Variants in NXPH1 observed in about 807,000 individuals in gnomAD.
NXPH1 encodes the protein neurexophilin 1, also known as neurexophilin-1.
In NXPH1, 5 loss-of-function variants were observed where a neutral mutation model predicts 23.7. The observed-to-expected ratio is 0.21, with a 90% confidence interval of 0.11 to 0.44. The LOEUF is 0.44. Ranked by LOEUF, NXPH1 falls within the 20% of genes least tolerant of loss-of-function variation. The pLI, the probability that NXPH1 is intolerant of heterozygous loss-of-function variation, is 0.99. For synonymous variants in NXPH1, 144 were observed against 122.2 expected (o/e 1.18, Z -1.18); for missense variants, 324 against 321.6 (o/e 1.01, Z -0.06).
chr7:8,680,190 A>G (rs148099507), intron 2 of NXPH1, among the ~76,000 whole-genome samples: 1 of 152,380 alleles, frequency 6.6e-6, no homozygotes, highest in Non-Finnish European at 1.5e-5. Flanking sequence ...TCAAACATTT[A>G]TTGAGTACAT....
intron 2 of NXPH1, among the ~76,000 whole-genome samples, chr7:8,726,317 T>A (rs1185496623): frequency 2.6e-5 from 4 of 151,928 alleles, no homozygotes; most frequent in Admixed American, 1.3e-4. Flanking sequence ...TAATTTTCAT[T>A]TTTTTGTTTG....
intron 2 of NXPH1, among the ~76,000 whole-genome samples, chr7:8,649,912 G>A (rs6958518): frequency 0.71 from 107,960 of 151,918 alleles, 39,053 homozygotes; most frequent in East Asian, 1. Context: ...TTGCTTTCCT[G>A]TGATATCCTC....
At chr7:8,615,871 T>C (rs143169832) in intron 2 of NXPH1, among the ~76,000 whole-genome samples, 33 of 152,138 alleles carry the variant, frequency 2.2e-4, no homozygotes, top group African/African-American at 7.9e-4. Flanking sequence ...ATATAGGAGA[T>C]TGGAAAGACT....
At chr7:8,722,965 A>C in intron 2 of NXPH1, among the ~76,000 whole-genome samples, 1 of 152,202 alleles carries the variant, frequency 6.6e-6, no homozygotes, top group South Asian at 2.1e-4. Flanking sequence ...GTCACAGTCA[A>C]ACTGTGTTTA....
intron 2 of NXPH1, among the ~76,000 whole-genome samples, chr7:8,664,358 A>T (rs1820727627): frequency 1.3e-5 from 2 of 152,080 alleles, no homozygotes; most frequent in Admixed American, 1.3e-4. Flanking sequence ...CACACTTCAC[A>T]TGTGCCTCAA....
At chr7:8,506,459 G>T (rs1186848237) in intron 2 of NXPH1, among the ~76,000 whole-genome samples, 5 of 152,078 alleles carry the variant, frequency 3.3e-5, no homozygotes, top group Non-Finnish European at 7.4e-5. Context: ...AGTGCAATTT[G>T]TAAGTTTATT....
intron 2 of NXPH1, among the ~76,000 whole-genome samples, chr7:8,558,286 G>T (rs148452692): frequency 7.5e-4 from 113 of 151,606 alleles, no homozygotes; most frequent in African/African-American, 2.7e-3. Context: ...ACATTAACAA[G>T]TCTTTTTGGG....
chr7:8,714,971 C>T (rs989646404), intron 2 of NXPH1, among the ~76,000 whole-genome samples: 1 of 152,078 alleles, frequency 6.6e-6, no homozygotes, highest in African/African-American at 2.4e-5. Context: ...AGGTCACATG[C>T]CCCTAAGTTC....
At chr7:8,493,785 A>G (rs1817291084) in intron 2 of NXPH1, among the ~76,000 whole-genome samples, 1 of 152,010 alleles carries the variant, frequency 6.6e-6, no homozygotes, top group Non-Finnish European at 1.5e-5. Context: ...TCTGGAAGAA[A>G]CCACTTCTAG....
At chr7:8,711,783 A>C (rs1242689941) in intron 2 of NXPH1, among the ~76,000 whole-genome samples, 1 of 152,210 alleles carries the variant, frequency 6.6e-6, no homozygotes, top group Non-Finnish European at 1.5e-5. Flanking sequence ...AAATGGAAGG[A>C]AGCCTGACCT....
chr7:8,741,785 A>G (rs1780368672), intron 2 of NXPH1, among the ~76,000 whole-genome samples: 1 of 152,124 alleles, frequency 6.6e-6, no homozygotes, highest in South Asian at 2.1e-4. Flanking sequence ...TAAAATATTG[A>G]TTGTGAATCA....
At chr7:8,528,503 G>C (rs1817900668) in intron 2 of NXPH1, among the ~76,000 whole-genome samples, 1 of 152,218 alleles carries the variant, frequency 6.6e-6, no homozygotes. Flanking sequence ...CAGATGAAGT[G>C]CAAGGCATAA....
chr7:8,530,728 G>A (rs910961771), intron 2 of NXPH1, among the ~76,000 whole-genome samples: 1 of 152,196 alleles, frequency 6.6e-6, no homozygotes, highest in Non-Finnish European at 1.5e-5. Context: ...TTGCCCAATT[G>A]TCAGCCCTGC....
intron 2 of NXPH1, among the ~76,000 whole-genome samples, chr7:8,666,983 C>G (rs1820781655): frequency 6.6e-6 from 1 of 151,938 alleles, no homozygotes; most frequent in Admixed American, 6.5e-5. Flanking sequence ...TAGGTTTTTG[C>G]TCTGTAACTA....
At chr7:8,617,255 C>G (rs966279651) in intron 2 of NXPH1, among the ~76,000 whole-genome samples, 4 of 151,954 alleles carry the variant, frequency 2.6e-5, no homozygotes, top group African/African-American at 9.7e-5. Flanking sequence ...TCATGAGGTA[C>G]AAACTCAGAA....
chr7:8,549,641 A>G (rs564534315), intron 2 of NXPH1, among the ~76,000 whole-genome samples: 1 of 151,684 alleles, frequency 6.6e-6, no homozygotes, highest in Non-Finnish European at 1.5e-5. Flanking sequence ...AAAGATATTT[A>G]TAACTTTGAA....
At chr7:8,525,077 A>G (rs1233368972) in intron 2 of NXPH1, among the ~76,000 whole-genome samples, 1 of 152,322 alleles carries the variant, frequency 6.6e-6, no homozygotes, top group East Asian at 1.9e-4. Context: ...GGAACTTCCT[A>G]GAGACTTGTT....
intron 2 of NXPH1, among the ~76,000 whole-genome samples, chr7:8,624,215 T>A (rs1819941196): frequency 6.6e-6 from 1 of 152,150 alleles, no homozygotes; most frequent in Non-Finnish European, 1.5e-5. Flanking sequence ...CCTTACTGAT[T>A]GGCTGTGGCC....
At chr7:8,711,676 G>T (rs572872862) in intron 2 of NXPH1, among the ~76,000 whole-genome samples, 6 of 152,254 alleles carry the variant, frequency 3.9e-5, no homozygotes, top group African/African-American at 1.4e-4. Context: ...GCATGTAGGG[G>T]TGTGTATGCA....
Sources: gnomAD v4.1 joint callset for allele counts (sites outside exome capture counted in the v4.1 genomes callset) on GRCh38, gnomAD v4.1.1 for gene constraint, MANE v1.5 for transcripts, NCBI Gene and HGNC (gene_info 2026-07-23, HGNC 2026-07-21) for gene names.